TASP1: variants seen among roughly 807,000 people sequenced by gnomAD.
TASP1 encodes the protein taspase 1, also known as threonine aspartase 1.
Under a neutral mutation model 56.6 loss-of-function variants are expected in TASP1, and 16 were observed. The ratio of observed to expected loss-of-function variants is 0.28; its 90% CI spans 0.19 to 0.43. The LOEUF (loss-of-function observed/expected upper bound fraction) is 0.43, where lower values mean the gene tolerates loss of function less well. TASP1 is among the 20% of genes least tolerant of loss of function. The pLI is 1.00. For missense variants in TASP1, 393 were observed against 511.6 expected (o/e 0.77, Z 2.24); for synonymous variants, 179 against 184.2 (o/e 0.97, Z 0.23).
chr20:13,445,434 TTC>T (rs1235666979), intron 11 of TASP1, among the ~76,000 whole-genome samples: 1 of 152,202 alleles, frequency 6.6e-6, no homozygotes, highest in Non-Finnish European at 1.5e-5. Flanking sequence ...AGAAGGCATC[TTC>T]TTTTTCTGAA....
At chr20:13,604,173 CAT>C in intron 4 of TASP1, among the ~76,000 whole-genome samples, 1 of 152,308 alleles carries the variant, frequency 6.6e-6, no homozygotes, top group South Asian at 2.1e-4. Flanking sequence ...TAGCAGTTGA[CAT>C]GGTCTGGATG....
At chr20:13,249,068 G>T in the TASP1 span, among the ~76,000 whole-genome samples, 1 of 152,162 alleles carries the variant, frequency 6.6e-6, no homozygotes, top group Non-Finnish European at 1.5e-5. Context: ...GCCCTGCAAA[G>T]AACCTGTTGC....
chr20:13,120,413 TAATTTC>T, the TASP1 span, among the ~76,000 whole-genome samples: 1 of 152,242 alleles, frequency 6.6e-6, no homozygotes, highest in Non-Finnish European at 1.5e-5. Context: ...AAACTGTGTA[TAATTTC>T]AATTTCACTG....
the TASP1 span, among the ~76,000 whole-genome samples, chr20:13,151,984 C>T: frequency 6.6e-6 from 1 of 151,142 alleles, no homozygotes; most frequent in Admixed American, 6.6e-5. Flanking sequence ...ACTGCCTCTA[C>T]TAAAAAAAAA....
At chr20:13,630,237 C>G in intron 1 of TASP1, 85 bp from the exon 2 acceptor site, 1 of 662,016 alleles carries the variant, frequency 1.5e-6, no homozygotes, top group Non-Finnish European at 2.3e-6. Flanking sequence ...AGATAATGTT[C>G]AAAAATCCTA....
the TASP1 span, among the ~76,000 whole-genome samples, chr20:13,171,712 C>G: frequency 1.3e-5 from 2 of 152,062 alleles, no homozygotes; most frequent in Non-Finnish European, 2.9e-5. Flanking sequence ...CAACATGGCT[C>G]TCGATTGTGA....
At chr20:13,408,100 G>C (rs2041985136) in intron 13 of TASP1, among the ~76,000 whole-genome samples, 2 of 151,818 alleles carry the variant, frequency 1.3e-5, no homozygotes, top group Non-Finnish European at 2.9e-5. Context: ...TTTGTTGCCT[G>C]TGCTTTTGGA....
chr20:13,242,916 T>A, the TASP1 span, among the ~76,000 whole-genome samples: 1 of 152,222 alleles, frequency 6.6e-6, no homozygotes, highest in Non-Finnish European at 1.5e-5. Context: ...CAGACACTTT[T>A]TTAAGCATTT....
At chr20:13,292,468 G>T in the TASP1 span, 1 of 1,573,386 alleles carries the variant, frequency 6.4e-7, no homozygotes, top group Non-Finnish European at 8.7e-7. Context: ...AAGTTGGTAA[G>T]ATTTTTTTCT....
At chr20:13,353,102 A>G in the TASP1 span, among the ~76,000 whole-genome samples, 1 of 152,178 alleles carries the variant, frequency 6.6e-6, no homozygotes, top group Non-Finnish European at 1.5e-5. Context: ...AGCCAGGCTT[A>G]CTGGGCACCT....
chr20:13,406,643 A>G lies in TASP1; in HGVS notation c.1170+10805T>C, dbSNP rs569752307. Reference sequence around the variant, plus strand: ...AATCACATTGAGGAATTTTCCTTGGATATCTCATATTTTGAGGGTTTTTTC... The same window carrying G: ...AATCACATTGAGGAATTTTCCTTGGGTATCTCATATTTTGAGGGTTTTTTC... On this transcript the variant is annotated intron_variant, in intron 13 of 13. Coordinates refer to ENST00000337743, the MANE Select transcript of TASP1 (RefSeq NM_017714.3). Among the ~76,000 whole-genome samples the G allele has an allele frequency of 6.7e-5, 10 of 149,026 alleles. No homozygotes were observed. The East Asian group carries it at 2.0e-3, about 29-fold the overall frequency.
the TASP1 span, among the ~76,000 whole-genome samples, chr20:13,331,987 A>G: frequency 1.3e-5 from 2 of 152,100 alleles, no homozygotes; most frequent in African/African-American, 4.8e-5. Flanking sequence ...GCACGTTTTA[A>G]TGTTCGGTCT....
chr20:13,617,332 G>T (rs773564784), intron 4 of TASP1, among the ~76,000 whole-genome samples: 53 of 152,206 alleles, frequency 3.5e-4, no homozygotes, highest in African/African-American at 8.2e-4. Context: ...TGAAAACATT[G>T]TAAGTACTAC....
chr20:13,412,567 C>T (rs1313471277), intron 13 of TASP1, among the ~76,000 whole-genome samples: 4 of 152,118 alleles, frequency 2.6e-5, no homozygotes, highest in Admixed American at 6.5e-5. Context: ...CCCTTGTGTA[C>T]ATCATGTTTT....
chr20:13,358,430 G>T, the TASP1 span, among the ~76,000 whole-genome samples: 1 of 152,148 alleles, frequency 6.6e-6, no homozygotes, highest in Non-Finnish European at 1.5e-5. Context: ...TATGACCTCA[G>T]GTCCTCAGAC....
chr20:13,564,976 C>T (rs2046468098), intron 7 of TASP1, among the ~76,000 whole-genome samples: 1 of 144,942 alleles, frequency 6.9e-6, no homozygotes, highest in Non-Finnish European at 1.5e-5. Context: ...CATTGCACTC[C>T]AGCCTGGGCA....
At chr20:13,192,858 T>C in the TASP1 span, among the ~76,000 whole-genome samples, 1 of 151,890 alleles carries the variant, frequency 6.6e-6, no homozygotes, top group Admixed American at 6.6e-5. Flanking sequence ...AGGGCCTAAA[T>C]AATAACTTTT....
chr20:13,637,872 G>T (rs1462612636), intron 1 of TASP1, among the ~76,000 whole-genome samples: 2 of 152,176 alleles, frequency 1.3e-5, no homozygotes, highest in African/African-American at 4.8e-5. Context: ...CAATTTTAAA[G>T]AATAAATTTT....
chr20:13,160,958 G>A, the TASP1 span, among the ~76,000 whole-genome samples: 1 of 152,146 alleles, frequency 6.6e-6, no homozygotes, highest in South Asian at 2.1e-4. Flanking sequence ...CTTCCAATCA[G>A]TGGAGTGACA....
Sources: allele counts gnomAD v4.1 joint callset (sites outside exome capture counted in the v4.1 genomes callset), GRCh38; gene constraint gnomAD v4.1.1; transcripts MANE v1.5; gene names NCBI Gene and HGNC (gene_info 2026-07-23, HGNC 2026-07-21).